The following CFAP43 variants were observed in gnomAD, a reference collection of about 807,000 sequenced individuals.
The protein encoded by CFAP43 is cilia and flagella associated protein 43, also known as cilia- and flagella-associated protein 43.
In CFAP43, 155 loss-of-function variants were observed where a neutral mutation model predicts 218.9. The ratio of observed to expected loss-of-function variants is 0.71; its 90% CI spans 0.62 to 0.81. The LOEUF (loss-of-function observed/expected upper bound fraction) is 0.81, where lower values mean the gene tolerates loss of function less well. Among genes scored for constraint, CFAP43 ranks in the 30% least tolerant of loss-of-function variants. The pLI is 0.00. For synonymous variants in CFAP43, 645 were observed against 681.3 expected, an observed-to-expected ratio of 0.95 and a Z score of 0.83; for missense variants, 1,778 against 1,954.3, an observed-to-expected ratio of 0.91 and a Z score of 1.70.
intron 34 of CFAP43, among the ~76,000 whole-genome samples, chr10:104,138,569 G>T (rs1254175852): frequency 6.6e-6 from 1 of 152,070 alleles, no homozygotes; most frequent in Non-Finnish European, 1.5e-5. Flanking sequence ...CAGCTACTCG[G>T]GAGGCTGAGG....
intron 28 of CFAP43, among the ~76,000 whole-genome samples, chr10:104,148,753 A>G (rs1458777120): frequency 6.6e-6 from 1 of 152,260 alleles, no homozygotes; most frequent in Non-Finnish European, 1.5e-5. Flanking sequence ...TCTAGACAGC[A>G]GAATTATGAG....
Position 104,136,258 on chromosome 10 carries a change from C to CAAA in CFAP43, c.4432-2477_4432-2475dup, listed in dbSNP as rs368792618. On this transcript the variant is annotated intron_variant, in intron 34 of 37. Transcript: ENST00000357060. ...AGAGCGAGAATCCATTTCTCCATTT[C>CAAA]AAAAAAAAAAAAAAAAAAAAGAAGA... Among the ~76,000 whole-genome samples the CAAA allele has an allele frequency of 3.3e-4, 28 of 85,894 alleles. 2 individuals carry two copies. In the East Asian group the frequency reaches 4.7e-3, roughly 15 times the overall value. 56.3% of individuals were successfully genotyped at this position (85,894 alleles called of 152,430 possible). A position where few individuals can be genotyped will look rare whatever the true frequency, so the allele number is the denominator to read the frequency against.
At position 104,131,415 on chromosome 10, in the gene CFAP43, C is replaced by G. The variant is rs774051310; in HGVS notation, c.4747G>C (p.Asp1583His). 6.2e-7 allele frequency: 1 copy of G among 1,613,684 alleles called. No homozygotes were observed. Among genetic ancestry groups the G allele is most frequent in the South Asian group, 1.1e-5 (1 of 90,986 alleles). The change falls in exon 37 of 38, where the codon GAT becomes CAT. Residue 1583 changes from aspartate (D) to histidine (H), a missense_variant. Physicochemically the swap from Asp to His is moderately conservative, Grantham distance 81. Around this residue, in one of 3 missense-constraint regions of CFAP43, gnomAD observed 211 missense variants for 230.6 expected, o/e 0.91. Coordinates refer to ENST00000357060, the MANE Select transcript of CFAP43 (RefSeq NM_025145.7). ...KKLGKFSNQK[D>H]IANYALSCNL... ...CAGCTTAGGGCATAATTTGCTATAT[C>G]TTTTTGATTGCTGAACTTTCCAAGT... is the stretch of plus-strand genomic sequence containing the variant.
At chr10:104,151,543 T>C (rs562234160) in intron 28 of CFAP43, among the ~76,000 whole-genome samples, 1 of 152,236 alleles carries the variant, frequency 6.6e-6, no homozygotes, top group Non-Finnish European at 1.5e-5. Flanking sequence ...CACATGTATG[T>C]CTTCTTTAGA....
intron 8 of CFAP43, 38 bp from the exon 9 acceptor site, chr10:104,198,076 T>C (rs963089257): frequency 5.5e-6 from 7 of 1,267,548 alleles, no homozygotes; most frequent in African/African-American, 3.0e-5. Flanking sequence ...ACATTGTAAT[T>C]GTTGTGTATA....
intron 3 of CFAP43, among the ~76,000 whole-genome samples, chr10:104,216,745 T>C (rs1330397842): frequency 3.9e-5 from 6 of 152,018 alleles, no homozygotes; most frequent in South Asian, 2.1e-4. Flanking sequence ...GAGTAACCAG[T>C]TGCACTCGGT....
intron 27 of CFAP43, among the ~76,000 whole-genome samples, chr10:104,160,355 C>T (rs182542158): frequency 2.0e-5 from 3 of 152,334 alleles, no homozygotes; most frequent in African/African-American, 2.4e-5. Flanking sequence ...AGGTTCACAA[C>T]AGATTCAAAG....
chr10:104,177,579 G>A (rs2089676539), intron 19 of CFAP43, among the ~76,000 whole-genome samples: 1 of 152,208 alleles, frequency 6.6e-6, no homozygotes. Context: ...AGGCAAGAGA[G>A]TGCATTGCTA....
intron 19 of CFAP43, among the ~76,000 whole-genome samples, chr10:104,178,363 A>T (rs1402475439): frequency 6.6e-6 from 1 of 152,238 alleles, no homozygotes; most frequent in Non-Finnish European, 1.5e-5. Flanking sequence ...GGGCTTACCC[A>T]AAACAAAGGC....
chr10:104,214,583 T>G (rs1195328011), intron 3 of CFAP43, among the ~76,000 whole-genome samples, 157 bp from the exon 4 acceptor site: 4 of 152,246 alleles, frequency 2.6e-5, no homozygotes, highest in Admixed American at 1.3e-4. Context: ...TAATTATGCT[T>G]ATCATTGTAT....
At chr10:104,196,064 T>C (rs1217032926) in intron 10 of CFAP43, among the ~76,000 whole-genome samples, 1 of 152,218 alleles carries the variant, frequency 6.6e-6, no homozygotes, top group Admixed American at 6.5e-5. Context: ...TTGTTCTTCC[T>C]CCTCCTACAG....
chr10:104,131,126 T>C (rs2087170532), intron 37 of CFAP43, among the ~76,000 whole-genome samples: 1 of 151,846 alleles, frequency 6.6e-6, no homozygotes, highest in African/African-American at 2.4e-5. Context: ...AATCATTCCG[T>C]ACCCCAAACC....
Position 104,224,370 on chromosome 10 carries a change from G to A in CFAP43, c.416+1091C>T, listed in dbSNP as rs151119798. Reference sequence around the variant, plus strand: ...TGGATGTATTTATTATCTTGATTACGGTGATGGGTTTATACATAAATCAAA... The same window carrying A: ...TGGATGTATTTATTATCTTGATTACAGTGATGGGTTTATACATAAATCAAA... On this transcript the variant is annotated intron_variant, in intron 3 of 37. Coordinates refer to ENST00000357060, the MANE Select transcript of CFAP43 (RefSeq NM_025145.7). 1.8e-4 allele frequency among the ~76,000 whole-genome samples: 27 copies of A among 152,028 alleles called. No individual in the cohort carries two copies. The East Asian group carries it at 3.5e-3, about 20-fold the overall frequency.
At chr10:104,195,041 G>A (rs893939185) in intron 10 of CFAP43, among the ~76,000 whole-genome samples, 3 of 152,194 alleles carry the variant, frequency 2.0e-5, no homozygotes, top group Non-Finnish European at 4.4e-5. Flanking sequence ...ATTCCAGGGC[G>A]ATGGTGTGCT....
chr10:104,225,784 G>A (rs893556652), intron 2 of CFAP43, among the ~76,000 whole-genome samples: 1 of 152,196 alleles, frequency 6.6e-6, no homozygotes, highest in Non-Finnish European at 1.5e-5. Flanking sequence ...AGACCATTAG[G>A]TTACTGTCTC....
intron 15 of CFAP43, among the ~76,000 whole-genome samples, chr10:104,185,420 C>T (rs2089999072): frequency 6.6e-6 from 1 of 151,984 alleles, no homozygotes; most frequent in African/African-American, 2.4e-5. Context: ...AAATCAGACA[C>T]AGAGAAGTGA....
chr10:104,226,566 A>G (rs1056292434), intron 2 of CFAP43, among the ~76,000 whole-genome samples: 1 of 115,150 alleles, frequency 8.7e-6, no homozygotes, highest in East Asian at 2.9e-4. Flanking sequence ...AGAAAATGCC[A>G]AAAAAAAAGA....
At position 104,142,342 on chromosome 10, in the gene CFAP43, T is replaced by C. The variant is rs900628730; in HGVS notation, c.4210A>G (p.Arg1404Gly). The change falls in exon 33 of 38, where the codon AGA becomes GGA. Residue 1404 changes from arginine (R) to glycine (G), a missense_variant. Coordinates refer to ENST00000357060, the MANE Select transcript of CFAP43 (RefSeq NM_025145.7). ...LLEMATFLQKRVEEEEKVQQE... is the reference protein window; with the variant it reads ...LLEMATFLQKGVEEEEKVQQE... ...TGCACCTTCTCTTCCTCCTCAACTC[T>C]CTTCTGGAGGAAAGTTGCCATTTCC... The C allele has an allele frequency of 3.1e-6, 5 of 1,613,554 alleles. No homozygotes were observed. The highest frequency in any genetic ancestry group is 1.3e-5 in the African/African-American group (1 of 75,006).
chr10:104,192,265 C>T lies in CFAP43; in HGVS notation c.1480G>A (p.Ala494Thr), dbSNP rs766848728. 3 of 1,612,890 alleles carry T rather than the reference C, an allele frequency of 1.9e-6. No individual in the cohort carries two copies. In the South Asian group the frequency reaches 3.3e-5, roughly 18 times the overall value. ...TTGATAATAAAGACTTTTCCTTCTG[C>T]TGTTCCAACTAACAGAAATATTCCT... ...QQGIFLLVGTAEGKVFIINAN... is the reference protein window; with the variant it reads ...QQGIFLLVGTTEGKVFIINAN... The change falls in exon 12 of 38, where the codon GCA becomes ACA. Residue 494 changes from alanine to threonine, a missense_variant. Around this residue, in one of 3 missense-constraint regions of CFAP43, gnomAD observed 1,553 missense variants for 1,685.2 expected, o/e 0.92. Coordinates refer to ENST00000357060, the MANE Select transcript of CFAP43 (RefSeq NM_025145.7).
Sources: allele counts gnomAD v4.1 joint callset (sites outside exome capture counted in the v4.1 genomes callset), GRCh38; gene constraint gnomAD v4.1.1; regional missense constraint gnomAD v4.1.1; transcripts MANE v1.5; gene names NCBI Gene and HGNC (gene_info 2026-07-23, HGNC 2026-07-21).